APBB1IP: variants seen among roughly 807,000 people sequenced by gnomAD.
The protein encoded by APBB1IP is amyloid beta A4 precursor protein-binding family B member 1-interacting protein.
APBB1IP carries 27 observed loss-of-function variants against 64.9 expected under a neutral mutation model. That is an observed-to-expected ratio of 0.42 (90% CI 0.31 to 0.57). The LOEUF is 0.57. Among genes scored for constraint, APBB1IP ranks in the 20% least tolerant of loss-of-function variants. APBB1IP has a pLI of 0.20. For synonymous variants in APBB1IP, 392 were observed against 331.0 expected (o/e 1.18, Z -2.00); for missense variants, 812 against 845.5 (o/e 0.96, Z 0.49).
intron 11 of APBB1IP, among the ~76,000 whole-genome samples, chr10:26,545,634 C>T (rs1836751703): frequency 6.6e-6 from 1 of 152,084 alleles, no homozygotes; most frequent in Non-Finnish European, 1.5e-5. Flanking sequence ...GTAGCGGGCG[C>T]CTGTAGTCCC....
chr10:26,452,460 G>A (rs1404219251), intron 2 of APBB1IP, among the ~76,000 whole-genome samples: 1 of 152,166 alleles, frequency 6.6e-6, no homozygotes, highest in Admixed American at 6.5e-5. Flanking sequence ...ATATTACCAA[G>A]GAAGCCACCA....
At chr10:26,482,765 T>G (rs950215882) in intron 2 of APBB1IP, among the ~76,000 whole-genome samples, 1 of 152,054 alleles carries the variant, frequency 6.6e-6, no homozygotes, top group Non-Finnish European at 1.5e-5. Context: ...TCCAGTTCTA[T>G]TTTAGTTTTG....
intron 2 of APBB1IP, among the ~76,000 whole-genome samples, chr10:26,461,104 G>A (rs908247617): frequency 2.2e-4 from 34 of 151,772 alleles, no homozygotes; most frequent in African/African-American, 7.3e-4. Flanking sequence ...TGGAGAGGGC[G>A]TTCAGAGAGC....
intron 11 of APBB1IP, among the ~76,000 whole-genome samples, chr10:26,548,253 T>C (rs955203939): frequency 5.3e-5 from 8 of 152,120 alleles, no homozygotes; most frequent in Non-Finnish European, 8.8e-5. Flanking sequence ...TAGTTACATA[T>C]GTATACATGT....
chr10:26,536,676 C>T (rs947274596), intron 10 of APBB1IP, among the ~76,000 whole-genome samples: 1 of 151,338 alleles, frequency 6.6e-6, no homozygotes, highest in Non-Finnish European at 1.5e-5. Flanking sequence ...ACTGCAACCT[C>T]CACCTCCCAG....
At chr10:26,541,739 T>A in intron 11 of APBB1IP, 47 bp downstream of exon 11, 3 of 1,393,962 alleles carry the variant, frequency 2.2e-6, no homozygotes, top group South Asian at 1.3e-5. Context: ...CAATTTGAGT[T>A]AATTTTTTTT....
intron 2 of APBB1IP, among the ~76,000 whole-genome samples, chr10:26,480,348 G>T (rs1349538719): frequency 6.6e-6 from 1 of 152,146 alleles, no homozygotes; most frequent in Non-Finnish European, 1.5e-5. Flanking sequence ...GAGGAGACAT[G>T]TGGCATCAGA....
At chr10:26,561,830 T>C (rs1175262120) in intron 13 of APBB1IP, 1 of 152,356 alleles carries the variant, frequency 6.6e-6, no homozygotes, top group Non-Finnish European at 1.5e-5. Flanking sequence ...GTCTGTTGTT[T>C]CTGTGTCCAA....
At chr10:26,469,198 TTTTATATCC>T (rs1835685046) in intron 2 of APBB1IP, among the ~76,000 whole-genome samples, 1 of 151,830 alleles carries the variant, frequency 6.6e-6, no homozygotes, top group Non-Finnish European at 1.5e-5. Context: ...ACAAAAATAT[TTTTATATCC>T]TTATTCTATT....
intron 2 of APBB1IP, among the ~76,000 whole-genome samples, chr10:26,491,950 T>C (rs1835960589): frequency 6.6e-6 from 1 of 152,022 alleles, no homozygotes. Context: ...TTAGTAGAGA[T>C]GGGGTTTCAC....
intron 9 of APBB1IP, among the ~76,000 whole-genome samples, chr10:26,534,471 G>T (rs568251648): frequency 2.0e-5 from 3 of 152,030 alleles, no homozygotes; most frequent in Non-Finnish European, 4.4e-5. Context: ...AGTAAATTTT[G>T]GACCTCCCTT....
At chr10:26,534,460 T>C (rs1836594589) in intron 9 of APBB1IP, among the ~76,000 whole-genome samples, 1 of 152,060 alleles carries the variant, frequency 6.6e-6, no homozygotes, top group Admixed American at 6.6e-5. Context: ...TTTCCTGAGT[T>C]AGTAAATTTT....
intron 11 of APBB1IP, among the ~76,000 whole-genome samples, chr10:26,546,647 C>G (rs1049877713): frequency 6.6e-6 from 1 of 152,172 alleles, no homozygotes; most frequent in African/African-American, 2.4e-5. Flanking sequence ...CTAACTATAA[C>G]ACTGTACTCA....
chr10:26,525,311 T>C (rs561215506), intron 8 of APBB1IP, among the ~76,000 whole-genome samples: 2 of 151,938 alleles, frequency 1.3e-5, no homozygotes, highest in Non-Finnish European at 2.9e-5. Flanking sequence ...CAGAGTTCAG[T>C]CTTCTACTTA....
rs1358557779 is a variant in APBB1IP at position 26,496,281 on chromosome 10, G to C, written c.73-23G>C. 5 of 1,565,072 alleles carry C rather than the reference G, an allele frequency of 3.2e-6. No homozygotes were observed. In the East Asian group the frequency reaches 1.1e-4, roughly 35 times the overall value. On this transcript the variant is annotated intron_variant, in intron 3 of 14. Coordinates refer to ENST00000376236, the MANE Select transcript of APBB1IP (RefSeq NM_019043.4). ...AAATGTTTGTATCATGAATAACTTT[G>C]ATGGGGGGATCTTTTTTCACAGAGT...
chr10:26,481,297 T>G (rs1419699017), intron 2 of APBB1IP, among the ~76,000 whole-genome samples: 1 of 152,070 alleles, frequency 6.6e-6, no homozygotes, highest in Admixed American at 6.6e-5. Flanking sequence ...TTCTCTCACT[T>G]TTTTCTAACT....
intron 4 of APBB1IP, among the ~76,000 whole-genome samples, 199 bp from the exon 5 acceptor site, chr10:26,500,620 T>C (rs571756577): frequency 6.6e-6 from 1 of 152,354 alleles, no homozygotes; most frequent in African/African-American, 2.4e-5. Context: ...GGATTAACCA[T>C]GCAACAAATG....
At chr10:26,541,501 T>C (rs1836696544) in intron 10 of APBB1IP, 81 bp from the exon 11 acceptor site, 1 of 831,432 alleles carries the variant, frequency 1.2e-6, no homozygotes, top group Non-Finnish European at 2.0e-6. Context: ...ATATAATCCT[T>C]AGTTGTGCTA....
intron 2 of APBB1IP, among the ~76,000 whole-genome samples, chr10:26,461,151 G>A (rs1325509821): frequency 2.0e-5 from 3 of 151,784 alleles, no homozygotes; most frequent in Non-Finnish European, 2.9e-5. Context: ...ATTATAAAAC[G>A]AAGGAAGAGA....
Sources: allele counts gnomAD v4.1 joint callset (sites outside exome capture counted in the v4.1 genomes callset), GRCh38; gene constraint gnomAD v4.1.1; transcripts MANE v1.5; gene names NCBI Gene and HGNC (gene_info 2026-07-23, HGNC 2026-07-21).